ARFGEF1: variants seen among roughly 807,000 people sequenced by gnomAD.
The protein encoded by ARFGEF1 is brefeldin A-inhibited guanine nucleotide-exchange protein 1.
In ARFGEF1, 42 loss-of-function variants were observed where a neutral mutation model predicts 231.0. That is an observed-to-expected ratio of 0.18 (90% CI 0.14 to 0.24). The LOEUF (loss-of-function observed/expected upper bound fraction) is 0.24, where lower values mean the gene tolerates loss of function less well. Ranked by LOEUF, ARFGEF1 falls within the 10% of genes least tolerant of loss-of-function variation. The pLI is 1.00. For missense variants in ARFGEF1, 1,345 were observed against 2,192.0 expected, an observed-to-expected ratio of 0.61 and a Z score of 7.72; for synonymous variants, 710 against 732.3, an observed-to-expected ratio of 0.97 and a Z score of 0.49.
At chr8:67,251,510 T>C in intron 18 of ARFGEF1, 60 bp from the exon 19 acceptor site, 1 of 1,418,022 alleles carries the variant, frequency 7.1e-7, no homozygotes, top group African/African-American at 1.5e-5. Flanking sequence ...TCTATTTTGA[T>C]ATTTTACTAT....
intron 34 of ARFGEF1, among the ~76,000 whole-genome samples, chr8:67,209,194 CCAT>C (rs1326952057): frequency 3.3e-5 from 5 of 152,218 alleles, no homozygotes; most frequent in African/African-American, 1.2e-4. Flanking sequence ...ATACAAACGT[CCAT>C]CATCAGACAA....
At chr8:67,217,039 TCACGCCTGTAATCCCAG>T (rs1333307023) in intron 32 of ARFGEF1, among the ~76,000 whole-genome samples, 1 of 150,258 alleles carries the variant, frequency 6.7e-6, no homozygotes, top group East Asian at 1.9e-4. Context: ...GCGCGGTGGC[TCACGCCTGTAATCCCAG>T]CACTTTGGGA....
At chr8:67,263,805 A>G (rs1804738087) in intron 14 of ARFGEF1, among the ~76,000 whole-genome samples, 1 of 152,216 alleles carries the variant, frequency 6.6e-6, no homozygotes, top group African/African-American at 2.4e-5. Flanking sequence ...TGACAAATAG[A>G]TGTATTCACA....
chr8:67,181,349 T>C (rs1304514991), intron 5 of ARFGEF1, among the ~76,000 whole-genome samples: 3 of 151,080 alleles, frequency 2.0e-5, no homozygotes, highest in South Asian at 2.1e-4. Context: ...TTTTTTTTTT[T>C]TTTTTTTTTT....
chr8:67,310,509 C>T (rs185210648), intron 1 of ARFGEF1, among the ~76,000 whole-genome samples: 2,511 of 152,318 alleles, frequency 0.016, 27 homozygotes, highest in Non-Finnish European at 0.025. Flanking sequence ...AGCCTCTGCC[C>T]GGCCACCACC....
intron 9 of ARFGEF1, 92 bp downstream of exon 9, chr8:67,275,884 A>G: frequency 6.6e-7 from 1 of 1,512,842 alleles, no homozygotes; most frequent in South Asian, 1.2e-5. Flanking sequence ...TCTATAGGAC[A>G]AAAAGAACAA....
intron 5 of ARFGEF1, among the ~76,000 whole-genome samples, chr8:67,188,012 G>C (rs1461810557): frequency 6.6e-6 from 1 of 152,114 alleles, no homozygotes; most frequent in African/African-American, 2.4e-5. Flanking sequence ...ATTCATAAAA[G>C]AAATAATTGA....
At chr8:67,302,884 G>A (rs1432262939) in intron 1 of ARFGEF1, among the ~76,000 whole-genome samples, 1 of 143,722 alleles carries the variant, frequency 7.0e-6, no homozygotes, top group Admixed American at 7.1e-5. Flanking sequence ...AGATCAGCCT[G>A]GGCAACAAAG....
chr8:67,226,648 A>G (rs562415643), intron 27 of ARFGEF1, among the ~76,000 whole-genome samples: 1 of 152,234 alleles, frequency 6.6e-6, no homozygotes, highest in South Asian at 2.1e-4. Flanking sequence ...GATGGTCATC[A>G]TTGTCATCTT....
intron 29 of ARFGEF1, among the ~76,000 whole-genome samples, chr8:67,219,901 A>G (rs933768811): frequency 2.0e-5 from 3 of 152,262 alleles, no homozygotes; most frequent in Admixed American, 1.3e-4. Flanking sequence ...GTGGCACTGT[A>G]GCCAAAAAAG....
chr8:67,322,624 C>T (rs531262103), intron 1 of ARFGEF1, among the ~76,000 whole-genome samples: 1 of 152,318 alleles, frequency 6.6e-6, no homozygotes, highest in African/African-American at 2.4e-5. Flanking sequence ...AGAATCACTT[C>T]AGCCCAGGAG....
At chr8:67,271,162 G>C (rs2128896267) in intron 10 of ARFGEF1, among the ~76,000 whole-genome samples, 1 of 149,996 alleles carries the variant, frequency 6.7e-6, no homozygotes, top group African/African-American at 2.5e-5. Context: ...CCACATGATT[G>C]CTATTCTATT....
At chr8:67,259,474 C>T (rs903699532) in intron 15 of ARFGEF1, among the ~76,000 whole-genome samples, 14 of 152,162 alleles carry the variant, frequency 9.2e-5, no homozygotes, top group African/African-American at 1.7e-4. Context: ...GTGATCTACC[C>T]GCTTCAGCCT....
chr8:67,182,758 C>T (rs556764035), intron 5 of ARFGEF1, among the ~76,000 whole-genome samples: 9 of 152,270 alleles, frequency 5.9e-5, no homozygotes, highest in Admixed American at 1.3e-4. Context: ...TTTACATGTG[C>T]TTATTGACTA....
chr8:67,203,620 G>C (rs1180180425), intron 35 of ARFGEF1, among the ~76,000 whole-genome samples: 1 of 152,218 alleles, frequency 6.6e-6, no homozygotes, highest in Non-Finnish European at 1.5e-5. Flanking sequence ...TGTGTGACTG[G>C]AGAAAGCAGA....
rs1840578646 is a variant in ARFGEF1, at chr8:67,259,686, A to AGGAG, written c.2235+125_2235+128dup. On this transcript the variant is annotated intron_variant, in intron 15 of 38. Transcript: ENST00000262215. ...TCCCAGCACTTTGGGAGGCTGAGGC[A>AGGAG]GGAGGATTGCCTGAGCCCAGGAGTT... 5 of 557,272 alleles carry AGGAG rather than the reference A, an allele frequency of 9.0e-6. No homozygotes were observed. The Admixed American group carries it at 1.8e-4, about 20-fold the overall frequency. 34.5% of individuals were successfully genotyped at this position (557,272 alleles called of 1,614,324 possible). A position where few individuals can be genotyped will look rare whatever the true frequency, so the allele number is the denominator to read the frequency against.
chr8:67,246,889 A>G (rs779385493), intron 19 of ARFGEF1, among the ~76,000 whole-genome samples: 1 of 150,394 alleles, frequency 6.6e-6, no homozygotes, highest in African/African-American at 2.5e-5. Flanking sequence ...ACAAATAAAT[A>G]AAATTAGAGA....
At chr8:67,236,348 T>A (rs1386784005) in intron 22 of ARFGEF1, among the ~76,000 whole-genome samples, 5 of 13,984 alleles carry the variant, frequency 3.6e-4, no homozygotes, top group Non-Finnish European at 6.6e-4. Context: ...AAGATATTAG[T>A]TAAAAAAAAA....
At chr8:67,242,638 G>C (rs561920113) in intron 19 of ARFGEF1, among the ~76,000 whole-genome samples, 95 of 152,366 alleles carry the variant, frequency 6.2e-4, no homozygotes, top group African/African-American at 2.3e-3. Flanking sequence ...TCTTCTTGCA[G>C]AGGAAAAAGT....
Sources: allele counts gnomAD v4.1 joint callset (sites outside exome capture counted in the v4.1 genomes callset), GRCh38; gene constraint gnomAD v4.1.1; transcripts MANE v1.5; gene names NCBI Gene and HGNC (gene_info 2026-07-23, HGNC 2026-07-21).